Variants in PIGL observed in about 807,000 individuals in gnomAD.
PIGL encodes the protein N-acetylglucosaminyl-phosphatidylinositol de-N-acetylase.
In PIGL, 22 loss-of-function variants were observed where a neutral mutation model predicts 31.1. The observed-to-expected ratio is 0.71, with a 90% CI of 0.51 to 1.01. The LOEUF is 1.01. Among genes scored for constraint, PIGL ranks in the 50% least tolerant of loss-of-function variants. The pLI is 0.00. For synonymous variants in PIGL, 131 were observed against 117.4 expected (o/e 1.12, Z -0.75); for missense variants, 302 against 315.9 (o/e 0.96, Z 0.33).
intron 2 of PIGL, among the ~76,000 whole-genome samples, chr17:16,267,291 C>T (rs2092848289): frequency 6.6e-6 from 1 of 152,088 alleles, no homozygotes; most frequent in African/African-American, 2.4e-5. Flanking sequence ...TGAAGGTCTT[C>T]ATCCCTGTCT....
chr17:16,269,749 A>T (rs554737248), intron 2 of PIGL, among the ~76,000 whole-genome samples: 2 of 134,660 alleles, frequency 1.5e-5, no homozygotes, highest in South Asian at 2.9e-4. Context: ...GTGGGTGATT[A>T]AGAACCTGAA....
chr17:16,270,494 A>T (rs993089286), intron 2 of PIGL, among the ~76,000 whole-genome samples: 6 of 152,026 alleles, frequency 3.9e-5, no homozygotes, highest in African/African-American at 1.4e-4. Context: ...CCCACAATTA[A>T]TTTCAAATTT....
At chr17:16,219,229 G>GT in intron 1 of PIGL, among the ~76,000 whole-genome samples, 1 of 151,288 alleles carries the variant, frequency 6.6e-6, no homozygotes, top group Non-Finnish European at 1.5e-5. Flanking sequence ...TTTTTTATTT[G>GT]TTTTTAGTTT....
intron 1 of PIGL, among the ~76,000 whole-genome samples, chr17:16,233,418 G>C (rs544910316): frequency 2.0e-5 from 3 of 152,104 alleles, no homozygotes; most frequent in Non-Finnish European, 4.4e-5. Context: ...AGATCCCCTT[G>C]GGGTATGCTG....
chr17:16,296,446 C>G (rs2092982379), intron 2 of PIGL, among the ~76,000 whole-genome samples: 1 of 151,742 alleles, frequency 6.6e-6, no homozygotes, highest in Non-Finnish European at 1.5e-5. Context: ...CCCGTCTTTA[C>G]TAAAAATACA....
chr17:16,307,341 TGCAGTAAAGTCCAGG>T (rs1390611199), intron 3 of PIGL, among the ~76,000 whole-genome samples: 1 of 152,248 alleles, frequency 6.6e-6, no homozygotes, highest in African/African-American at 2.4e-5. Flanking sequence ...GGTGTGCCAG[TGCAGTAAAGTCCAGG>T]GCACCTTGGC....
intron 2 of PIGL, among the ~76,000 whole-genome samples, chr17:16,238,802 A>C (rs112433820): frequency 0.031 from 4,650 of 147,880 alleles, 241 homozygotes; most frequent in African/African-American, 0.11. Flanking sequence ...CCAGCTACTC[A>C]TGAGGCTGAG....
chr17:16,278,663 C>T (rs542156328), intron 2 of PIGL, among the ~76,000 whole-genome samples: 15 of 151,606 alleles, frequency 9.9e-5, no homozygotes, highest in Non-Finnish European at 1.6e-4. Flanking sequence ...GTTCAAACTT[C>T]AACTTTTTCC....
At chr17:16,270,708 C>T (rs989375155) in intron 2 of PIGL, among the ~76,000 whole-genome samples, 2 of 151,908 alleles carry the variant, frequency 1.3e-5, no homozygotes, top group African/African-American at 4.8e-5. Flanking sequence ...ACCAGCCTGG[C>T]CGACATGGTG....
chr17:16,221,200 T>G (rs548783739), intron 1 of PIGL, among the ~76,000 whole-genome samples: 25 of 152,340 alleles, frequency 1.6e-4, no homozygotes, highest in African/African-American at 5.5e-4. Flanking sequence ...TTTATGAACC[T>G]ATTGAAAATA....
intron 2 of PIGL, among the ~76,000 whole-genome samples, chr17:16,273,669 C>T (rs963627282): frequency 6.6e-6 from 1 of 151,894 alleles, no homozygotes; most frequent in East Asian, 1.9e-4. Flanking sequence ...TATTCTAAGG[C>T]TTGATGACCA....
At chr17:16,221,418 T>G (rs1419598060) in intron 1 of PIGL, among the ~76,000 whole-genome samples, 1 of 151,272 alleles carries the variant, frequency 6.6e-6, no homozygotes, top group Non-Finnish European at 1.5e-5. Flanking sequence ...CTACCAATAG[T>G]TGAGACTATA....
intron 1 of PIGL, 167 bp downstream of exon 1, chr17:16,217,628 T>C: frequency 4.8e-5 from 26 of 541,826 alleles, no homozygotes; most frequent in South Asian, 1.5e-4. Context: ...GCGGCCGGCT[T>C]ACCTGGTGGG....
chr17:16,311,296 TC>T (rs1297817430), intron 3 of PIGL, among the ~76,000 whole-genome samples: 3 of 110,188 alleles, frequency 2.7e-5, no homozygotes, highest in Non-Finnish European at 6.1e-5. Context: ...ATTTGTTTTT[TC>T]TTTTTTTTAG....
intron 6 of PIGL, 110 bp from the exon 7 acceptor site, chr17:16,325,690 A>G (rs1480748824): frequency 2.5e-6 from 2 of 807,718 alleles, no homozygotes; most frequent in South Asian, 1.5e-5. Context: ...AGGCTATAGC[A>G]TGAAGCATAT....
At chr17:16,238,396 AT>A (rs2092708530) in intron 2 of PIGL, among the ~76,000 whole-genome samples, 1 of 150,082 alleles carries the variant, frequency 6.7e-6, no homozygotes, top group South Asian at 2.1e-4. Flanking sequence ...AAATATAACA[AT>A]TTAAACCTTA....
chr17:16,320,060 A>T (rs1207885896), intron 6 of PIGL, among the ~76,000 whole-genome samples: 2 of 149,600 alleles, frequency 1.3e-5, no homozygotes, highest in African/African-American at 4.9e-5. Flanking sequence ...TTGGGGTGGG[A>T]GGATGGCTTG....
At chr17:16,319,223 C>CAAAAAAAAAAAA (rs11379081) in intron 6 of PIGL, among the ~76,000 whole-genome samples, 1 of 82,984 alleles carries the variant, frequency 1.2e-5, no homozygotes, top group Non-Finnish European at 2.2e-5. Flanking sequence ...AGACCCTAGC[C>CAAAAAAAAAAAA]AAAAAAAAAA....
At chr17:16,246,861 G>GT in intron 2 of PIGL, among the ~76,000 whole-genome samples, 1 of 149,606 alleles carries the variant, frequency 6.7e-6, no homozygotes, top group East Asian at 2.0e-4. Flanking sequence ...AATTTTTTTT[G>GT]TATTTTTTTA....
Sources: allele counts gnomAD v4.1 joint callset (sites outside exome capture counted in the v4.1 genomes callset), GRCh38; gene constraint gnomAD v4.1.1; transcripts MANE v1.5; gene names NCBI Gene and HGNC (gene_info 2026-07-23, HGNC 2026-07-21).